Variants in TGM2 observed in about 807,000 individuals in gnomAD.
TGM2 encodes the protein transglutaminase 2.
In TGM2, 53 loss-of-function variants were observed where a neutral mutation model predicts 75.6. The observed-to-expected ratio is 0.70, with a 90% CI of 0.56 to 0.88. The LOEUF (loss-of-function observed/expected upper bound fraction) is 0.88, where lower values mean the gene tolerates loss of function less well. Ranked by LOEUF, TGM2 falls within the 40% of genes least tolerant of loss-of-function variation. The probability of loss-of-function intolerance (pLI) is 0.00; values close to 1 mark genes in which losing one functional copy is unlikely to be tolerated. For synonymous variants in TGM2, 374 were observed against 381.1 expected (o/e 0.98, Z 0.22); for missense variants, 842 against 928.5 (o/e 0.91, Z 1.21).
At chr20:38,165,940 C>G (rs181059083), upstream of TGM2, among the ~76,000 whole-genome samples, 15 of 146,088 alleles carry the variant, frequency 1.0e-4, no homozygotes, top group East Asian at 3.0e-3. Context: ...CCACACACAG[C>G]TGTGGACACA....
chr20:38,141,672 C>T (rs1445313581), intron 7 of TGM2, among the ~76,000 whole-genome samples: 3 of 152,028 alleles, frequency 2.0e-5, no homozygotes, highest in Admixed American at 2.0e-4. Flanking sequence ...GGCTCCATCC[C>T]TTCTTTTCTG....
chr20:38,141,147 G>GT (rs2074967078), intron 8 of TGM2, 135 bp downstream of exon 8: 1 of 648,172 alleles, frequency 1.5e-6, no homozygotes, highest in African/African-American at 1.8e-5. Context: ...TGTAAGTGAG[G>GT]TCCCCCACCC....
At chr20:38,149,645 C>G (rs1033026651) in intron 4 of TGM2, among the ~76,000 whole-genome samples, 1 of 138,002 alleles carries the variant, frequency 7.2e-6, no homozygotes, top group African/African-American at 2.9e-5. Flanking sequence ...CACCACTGCA[C>G]TCCAGCCTGG....
At position 38,147,853 on chromosome 20, in the gene TGM2, A is replaced by G; in HGVS notation, c.681+108T>C. 2.7e-6 allele frequency: 4 copies of G among 1,491,408 alleles called. No individual in the cohort carries two copies. The South Asian group carries it at 4.9e-5, about 18-fold the overall frequency. 92.4% of individuals were successfully genotyped at this position (1,491,408 alleles called of 1,614,324 possible). On this transcript the variant is annotated intron_variant, in intron 5 of 12. Transcript: ENST00000361475. Reference sequence around the variant, plus strand: ...AAGGTCTTTTCCCCAAGACTTACCCATCTCCCGGGTCCCCCACCGCGCCTA... The same window carrying G: ...AAGGTCTTTTCCCCAAGACTTACCCGTCTCCCGGGTCCCCCACCGCGCCTA...
intron 3 of TGM2, among the ~76,000 whole-genome samples, chr20:38,153,318 A>G (rs1033900871): frequency 1.3e-5 from 2 of 152,094 alleles, no homozygotes; most frequent in African/African-American, 4.8e-5. Context: ...TGAGATCAGG[A>G]GTTTGAGACC....
At chr20:38,149,699 A>AAAAAAAAAAAAAAAAAAAAG (rs2075094392) in intron 4 of TGM2, among the ~76,000 whole-genome samples, 1 of 150,938 alleles carries the variant, frequency 6.6e-6, no homozygotes, top group African/African-American at 2.4e-5. Context: ...AAAAAAAAAA[A>AAAAAAAAAAAAAAAAAAAAG]AACAGGACCC....
In TGM2 at chr20:38,130,267, C is replaced by T. The variant is rs773638520; in HGVS notation, c.2016G>A (p.Lys672=). 6.2e-7 allele frequency: 1 copy of T among 1,613,304 alleles called. No individual in the cohort carries two copies. Among genetic ancestry groups the T allele is most frequent in the South Asian group, 1.1e-5 (1 of 90,642 alleles). ...HKLVVNFESD[K]LKAVKGFRNV... ...TCCGGAAGCCCTTCACAGCCTTCAG[C>T]TTGTCGCTCTCGAAGTTCACCACCA... The change falls in exon 13 of 13, where the codon AAG becomes AAA. Residue 672 remains lysine, a synonymous_variant. Coordinates refer to ENST00000361475, the MANE Select transcript of TGM2 (RefSeq NM_004613.4).
At chr20:38,164,120 T>C (rs975494846) in intron 1 of TGM2, among the ~76,000 whole-genome samples, 1 of 152,028 alleles carries the variant, frequency 6.6e-6, no homozygotes, top group Non-Finnish European at 1.5e-5. Flanking sequence ...CTTTTGAGCA[T>C]GGGGGTGAGA....
intron 1 of TGM2, among the ~76,000 whole-genome samples, chr20:38,162,376 T>C (rs1267383776): frequency 6.6e-6 from 1 of 152,234 alleles, no homozygotes; most frequent in African/African-American, 2.4e-5. Context: ...CCTTTGCCTT[T>C]AGATCCAATG....
At chr20:38,163,662 T>A (rs2075279764) in intron 1 of TGM2, among the ~76,000 whole-genome samples, 1 of 152,160 alleles carries the variant, frequency 6.6e-6, no homozygotes, top group Non-Finnish European at 1.5e-5. Flanking sequence ...TTCTCAAACC[T>A]GGGGGCAGAT....
At chr20:38,154,356 C>G (rs1391317869) in intron 3 of TGM2, among the ~76,000 whole-genome samples, 1 of 152,200 alleles carries the variant, frequency 6.6e-6, no homozygotes, top group Non-Finnish European at 1.5e-5. Context: ...ACCCGATTCC[C>G]AGGAGGGGCC....
intron 10 of TGM2, among the ~76,000 whole-genome samples, chr20:38,134,467 C>G (rs1339901177): frequency 6.6e-6 from 1 of 152,194 alleles, no homozygotes; most frequent in Non-Finnish European, 1.5e-5. Flanking sequence ...CAACTGTCGA[C>G]TATTCTAGGA....
chr20:38,136,064 C>G (rs558444855), intron 10 of TGM2, among the ~76,000 whole-genome samples: 8 of 152,340 alleles, frequency 5.3e-5, no homozygotes, highest in Admixed American at 5.2e-4. Flanking sequence ...CTTTCAACAG[C>G]TTCAGTGTTG....
chr20:38,147,079 G>A (rs1345457131), intron 5 of TGM2, among the ~76,000 whole-genome samples, 185 bp from the exon 6 acceptor site: 5 of 152,062 alleles, frequency 3.3e-5, no homozygotes, highest in South Asian at 2.1e-4. Context: ...GGCTGGAGCC[G>A]GGGGACAGGA....
intron 6 of TGM2, 84 bp from the exon 7 acceptor site, chr20:38,142,283 G>A: frequency 3.1e-6 from 5 of 1,595,002 alleles, no homozygotes; most frequent in African/African-American, 2.7e-5. Context: ...CTGCATTCCA[G>A]GGAACACTGT....
rs1568692476 is a variant in TGM2 at position 38,146,844 on chromosome 20, G to A, written c.732C>T (p.Asn244=). The A allele has an allele frequency of 6.2e-7, 1 of 1,614,014 alleles. No individual in the cohort carries two copies. The highest frequency in any genetic ancestry group is 8.5e-7 in the Non-Finnish European group (1 of 1,180,046). Reference sequence around the variant, plus strand: ...ACATGGGGCTGACGCCGTCCCCGTAGTTGTTGTCCCAGCGTCCCAGCAGCA... The same window carrying A: ...ACATGGGGCTGACGCCGTCCCCGTAATTGTTGTCCCAGCGTCCCAGCAGCA... ...QGVLLGRWDN[N]YGDGVSPMSW... Residue 244 remains asparagine, a synonymous_variant, in exon 6 of 13, where the codon AAC becomes AAT. Coordinates refer to ENST00000361475, the MANE Select transcript of TGM2 (RefSeq NM_004613.4).
At chr20:38,160,257 C>A (rs1203081233) in intron 2 of TGM2, among the ~76,000 whole-genome samples, 1 of 152,244 alleles carries the variant, frequency 6.6e-6, no homozygotes, top group Non-Finnish European at 1.5e-5. Flanking sequence ...CAACCCGAGT[C>A]CTAGCCAGGT....
Position 38,147,985 on chromosome 20 carries a change from G to A in TGM2, c.657C>T (p.Tyr219=), listed in dbSNP as rs1156389953. Residue 219 remains tyrosine (Y), a synonymous_variant, in exon 5 of 13, where the codon TAC becomes TAT. Transcript: ENST00000361475. The part of the protein sequence containing the change: ...RDCSRRSSPV[Y]VGRVVSGMVN... Reference sequence around the variant, plus strand: ...CCATGCCACTCACCACCCGGCCCACGTAGACGGGGCTGCTGCGGCGGGAGC... The same window carrying A: ...CCATGCCACTCACCACCCGGCCCACATAGACGGGGCTGCTGCGGCGGGAGC... 6 of 1,612,838 alleles carry A rather than the reference G, an allele frequency of 3.7e-6. No homozygotes were observed. The highest frequency in any genetic ancestry group is 2.2e-5 in the East Asian group (1 of 44,874).
intron 4 of TGM2, among the ~76,000 whole-genome samples, chr20:38,149,389 C>A (rs1490608649): frequency 1.3e-5 from 2 of 152,122 alleles, no homozygotes; most frequent in Non-Finnish European, 2.9e-5. Flanking sequence ...CAAAACAAGA[C>A]CCTGTGGGCC....
Sources: gnomAD v4.1 joint callset for allele counts (sites outside exome capture counted in the v4.1 genomes callset) on GRCh38, gnomAD v4.1.1 for gene constraint, MANE v1.5 for transcripts, NCBI Gene and HGNC (gene_info 2026-07-23, HGNC 2026-07-21) for gene names.